The following HABP4 variants were observed in gnomAD, a reference collection of about 807,000 sequenced individuals.
HABP4 encodes the protein intracellular hyaluronan-binding protein 4.
Under a neutral mutation model 44.1 loss-of-function variants are expected in HABP4, and 32 were observed. The ratio of observed to expected loss-of-function variants is 0.73; its 90% CI spans 0.55 to 0.97. The LOEUF is 0.97. Ranked by LOEUF, HABP4 falls within the 50% of genes least tolerant of loss-of-function variation. The pLI, the probability that HABP4 is intolerant of heterozygous loss-of-function variation, is 0.00. For missense variants in HABP4, 503 were observed against 561.9 expected (o/e 0.90, Z 1.06); for synonymous variants, 216 against 218.0 (o/e 0.99, Z 0.08).
chr9:96,489,120 G>A (rs1833030711), intron 7 of HABP4, among the ~76,000 whole-genome samples: 1 of 152,188 alleles, frequency 6.6e-6, no homozygotes. Context: ...GCTCTAGGGA[G>A]CAGCCCCTGG....
At chr9:96,461,471 A>G (rs1044129460) in intron 2 of HABP4, among the ~76,000 whole-genome samples, 1 of 152,018 alleles carries the variant, frequency 6.6e-6, no homozygotes, top group African/African-American at 2.4e-5. Context: ...CCTAAGGAAA[A>G]ATTCCTACTG....
intron 5 of HABP4, among the ~76,000 whole-genome samples, chr9:96,480,695 GAATT>G (rs1287493482): frequency 2.6e-5 from 4 of 152,092 alleles, no homozygotes; most frequent in Admixed American, 6.5e-5. Flanking sequence ...TCACTAAATA[GAATT>G]AATATTTGTT....
intron 4 of HABP4, 96 bp downstream of exon 4, chr9:96,465,874 T>G: frequency 1.4e-6 from 1 of 728,310 alleles, no homozygotes; most frequent in Non-Finnish European, 2.5e-6. Flanking sequence ...GTATTGTGCT[T>G]TATACTTGTG....
chr9:96,489,559 TG>T (rs981357890), intron 7 of HABP4, among the ~76,000 whole-genome samples: 1 of 152,242 alleles, frequency 6.6e-6, no homozygotes, highest in African/African-American at 2.4e-5. Flanking sequence ...CAAATTGCAC[TG>T]GATGGCCCTC....
At chr9:96,456,869 T>C (rs1166967644) in intron 1 of HABP4, among the ~76,000 whole-genome samples, 2 of 128,922 alleles carry the variant, frequency 1.6e-5, no homozygotes, top group Non-Finnish European at 3.2e-5. Flanking sequence ...ATGTGGAGAG[T>C]AATTTGTACC....
chr9:96,457,123 CGGT>C (rs1832407658), intron 1 of HABP4, among the ~76,000 whole-genome samples: 1 of 151,922 alleles, frequency 6.6e-6, no homozygotes, highest in Non-Finnish European at 1.5e-5. Context: ...CGGCCGGGCA[CGGT>C]GGCTCACGCC....
At chr9:96,478,849 T>G (rs1832830278) in intron 5 of HABP4, among the ~76,000 whole-genome samples, 1 of 151,968 alleles carries the variant, frequency 6.6e-6, no homozygotes. Context: ...CAGGCTGGTC[T>G]CCAACTCTTG....
intron 1 of HABP4, among the ~76,000 whole-genome samples, chr9:96,456,773 AAAAAAAAATATATAT>A (rs1269844062): frequency 1.4e-5 from 1 of 69,310 alleles, no homozygotes; most frequent in Admixed American, 2.0e-4. Context: ...AAAAAAAAAA[AAAAAAAAATATATAT>A]ATATATATAT....
chr9:96,455,502 A>G (rs1212065049), intron 1 of HABP4, among the ~76,000 whole-genome samples: 3 of 144,310 alleles, frequency 2.1e-5, no homozygotes, highest in Non-Finnish European at 3.0e-5. Context: ...AGTGACTCAC[A>G]CCTGTAATCC....
intron 5 of HABP4, among the ~76,000 whole-genome samples, chr9:96,471,967 T>G (rs1275211117): frequency 6.6e-6 from 1 of 152,100 alleles, no homozygotes; most frequent in African/African-American, 2.4e-5. Flanking sequence ...TTTTGTATTT[T>G]TAGTAGAGAC....
At position 96,490,004 on chromosome 9, in the gene HABP4, C is replaced by G; in HGVS notation, c.1208C>G (p.Pro403Arg). 3 of 1,603,520 alleles carry G rather than the reference C, an allele frequency of 1.9e-6. No individual in the cohort carries two copies. Among genetic ancestry groups the G allele is most frequent in the Non-Finnish European group, 8.5e-7 (1 of 1,170,340 alleles). ...EVVMQDVAPN[P>R]DDPEDFPALS ...TAGATGCAAGATGTTGCCCCCAACCCAGATGACCCGGAAGATTTCCCTGCG... is the reference window on the plus strand; with the variant it reads ...TAGATGCAAGATGTTGCCCCCAACCGAGATGACCCGGAAGATTTCCCTGCG... The change falls in exon 8 of 8, where the codon CCA becomes CGA. Residue 403 changes from proline (P) to arginine (R), a missense_variant. Around this residue, in one of 3 missense-constraint regions of HABP4, gnomAD observed 82 missense variants for 71.6 expected, o/e 1.15. Coordinates refer to ENST00000375249, the MANE Select transcript of HABP4 (RefSeq NM_014282.4).
chr9:96,489,734 C>T (rs373208256), intron 7 of HABP4, among the ~76,000 whole-genome samples: 1 of 152,204 alleles, frequency 6.6e-6, no homozygotes, highest in African/African-American at 2.4e-5. Flanking sequence ...CCATGCAGAA[C>T]CCCCAGTAAG....
At chr9:96,485,155 C>A (rs550273310) in intron 6 of HABP4, among the ~76,000 whole-genome samples, 1 of 151,994 alleles carries the variant, frequency 6.6e-6, no homozygotes, top group East Asian at 1.9e-4. Context: ...CGGGTTCAAG[C>A]GATTCTCGTG....
At chr9:96,481,778 G>A (rs541668029) in intron 5 of HABP4, among the ~76,000 whole-genome samples, 1 of 152,020 alleles carries the variant, frequency 6.6e-6, no homozygotes, top group Non-Finnish European at 1.5e-5. Flanking sequence ...ACGACTGAAT[G>A]CATGGATGGA....
chr9:96,463,756 T>G (rs1397633597), intron 2 of HABP4, among the ~76,000 whole-genome samples: 1 of 152,174 alleles, frequency 6.6e-6, no homozygotes, highest in Non-Finnish European at 1.5e-5. Flanking sequence ...TAAGGAAGAT[T>G]GCGAGTTTTG....
intron 2 of HABP4, among the ~76,000 whole-genome samples, chr9:96,461,305 G>A (rs993481155): frequency 6.6e-6 from 1 of 152,032 alleles, no homozygotes; most frequent in East Asian, 1.9e-4. Flanking sequence ...TAATAATGGG[G>A]GGAGGGTAAA....
chr9:96,471,068 C>T lies in HABP4; in HGVS notation c.801C>T (p.Gly267=), dbSNP rs200871502. ...CCACAGTGGTGGAGGAGTCCCAGGG[C>T]ACCCCGGAAGAGGAGTCTCCAGCCA... ...EEPTVVEESQ[G]TPEEESPAKV... The change falls in exon 5 of 8, where the codon GGC becomes GGT. Residue 267 remains glycine (G), a synonymous_variant. Coordinates refer to ENST00000375249, the MANE Select transcript of HABP4 (RefSeq NM_014282.4). The T allele has an allele frequency of 6.3e-7, 1 of 1,597,946 alleles. No individual in the cohort carries two copies. Among genetic ancestry groups the T allele is most frequent in the South Asian group, 1.1e-5 (1 of 90,768 alleles).
chr9:96,470,856 C>T (rs71499952), intron 4 of HABP4, among the ~76,000 whole-genome samples, 155 bp from the exon 5 acceptor site: 2 of 149,128 alleles, frequency 1.3e-5, no homozygotes, highest in Non-Finnish European at 3.0e-5. Context: ...GATTGCACCA[C>T]TGCACTCCAG....
chr9:96,452,926 T>TG (rs1832311552), intron 1 of HABP4, among the ~76,000 whole-genome samples: 1 of 144,568 alleles, frequency 6.9e-6, no homozygotes, highest in Non-Finnish European at 1.5e-5. Context: ...TTTTTTTTTT[T>TG]TTTTTTTTTT....
Sources: allele counts gnomAD v4.1 joint callset (sites outside exome capture counted in the v4.1 genomes callset), GRCh38; gene constraint gnomAD v4.1.1; regional missense constraint gnomAD v4.1.1; transcripts MANE v1.5; gene names NCBI Gene and HGNC (gene_info 2026-07-23, HGNC 2026-07-21).